Variants in BCKDHB observed in about 807,000 individuals in gnomAD.
The protein encoded by BCKDHB is 2-oxoisovalerate dehydrogenase subunit beta, mitochondrial.
In BCKDHB, 41 loss-of-function variants were observed where a neutral mutation model predicts 48.5. The ratio of observed to expected loss-of-function variants is 0.85; its 90% CI spans 0.66 to 1.10. The LOEUF is 1.10. BCKDHB is among the 50% of genes least tolerant of loss of function. The pLI, the probability that BCKDHB is intolerant of heterozygous loss-of-function variation, is 0.00. For missense variants in BCKDHB, 496 were observed against 494.2 expected, an observed-to-expected ratio of 1.00 and a Z score of -0.03; for synonymous variants, 201 against 174.8, an observed-to-expected ratio of 1.15 and a Z score of -1.18.
At chr6:80,173,665 T>C (rs1290608854) in intron 6 of BCKDHB, among the ~76,000 whole-genome samples, 1 of 152,186 alleles carries the variant, frequency 6.6e-6, no homozygotes, top group Non-Finnish European at 1.5e-5. Context: ...TCTGAAACAA[T>C]AGCTGATGTT....
chr6:80,207,613 C>T (rs2127834757), intron 8 of BCKDHB, among the ~76,000 whole-genome samples: 1 of 151,694 alleles, frequency 6.6e-6, no homozygotes, highest in Middle Eastern at 3.4e-3. Context: ...CAACTACCAC[C>T]ACCATGTGTA....
At chr6:80,354,420 G>A in the BCKDHB span, among the ~76,000 whole-genome samples, 1 of 152,044 alleles carries the variant, frequency 6.6e-6, no homozygotes. Flanking sequence ...GTAGAGACGG[G>A]GTTTCACTGT....
intron 9 of BCKDHB, among the ~76,000 whole-genome samples, chr6:80,336,928 C>T (rs1769621513): frequency 6.6e-6 from 1 of 151,948 alleles, no homozygotes; most frequent in Non-Finnish European, 1.5e-5. Context: ...GATCCATGCT[C>T]TTGAAAAATT....
In BCKDHB at chr6:80,106,729, C is replaced by T. The variant is rs1464497822; in HGVS notation, c.36C>T (p.Leu12=). The stretch of plus-strand genomic sequence containing the variant: ...TAGCGGCGGCTGCCGGCTGGCTACT[C>T]AGGCTCAGGGCGGCAGGGGCTGAGG... ...AVVAAAAGWL[L]RLRAAGAEGH... is the part of the protein sequence containing the mutation. Residue 12 remains leucine, a synonymous_variant, in exon 1 of 10, where the codon CTC becomes CTT. Transcript: ENST00000320393. 7.7e-6 allele frequency: 12 copies of T among 1,557,956 alleles called. No individual in the cohort carries two copies. The highest frequency in any genetic ancestry group is 3.8e-5 in the Admixed American group (2 of 52,036).
chr6:80,227,348 G>T (rs1188672649), intron 8 of BCKDHB, among the ~76,000 whole-genome samples: 1 of 152,118 alleles, frequency 6.6e-6, no homozygotes, highest in East Asian at 1.9e-4. Flanking sequence ...ACTCCCTTTA[G>T]GGAGTCCAGT....
chr6:80,376,853 G>C, the BCKDHB span, among the ~76,000 whole-genome samples: 1 of 152,062 alleles, frequency 6.6e-6, no homozygotes. Context: ...AGGAATATGA[G>C]AAATATATAT....
intron 1 of BCKDHB, among the ~76,000 whole-genome samples, chr6:80,124,623 C>A (rs1194375429): frequency 6.6e-6 from 1 of 152,062 alleles, no homozygotes; most frequent in Non-Finnish European, 1.5e-5. Flanking sequence ...TGAATTGATC[C>A]CTTTACCATT....
intron 9 of BCKDHB, among the ~76,000 whole-genome samples, chr6:80,333,075 C>G (rs1232075802): frequency 1.3e-5 from 2 of 152,156 alleles, no homozygotes; most frequent in Non-Finnish European, 2.9e-5. Flanking sequence ...CCTTATTGGA[C>G]TTGACATAAA....
At chr6:80,117,007 A>T (rs1425617449) in intron 1 of BCKDHB, among the ~76,000 whole-genome samples, 5 of 152,080 alleles carry the variant, frequency 3.3e-5, no homozygotes, top group Non-Finnish European at 5.9e-5. Flanking sequence ...AATATATATT[A>T]AAAAAAATTA....
At chr6:80,314,225 T>C (rs1200572951) in intron 9 of BCKDHB, among the ~76,000 whole-genome samples, 1 of 152,238 alleles carries the variant, frequency 6.6e-6, no homozygotes, top group African/African-American at 2.4e-5. Flanking sequence ...AGAATGTATA[T>C]GCTCTTCTAT....
At chr6:80,273,657 T>A (rs1777847724) in intron 9 of BCKDHB, among the ~76,000 whole-genome samples, 1 of 152,066 alleles carries the variant, frequency 6.6e-6, no homozygotes, top group African/African-American at 2.4e-5. Flanking sequence ...TAAAAATGAA[T>A]CTCTCAAAAG....
intron 9 of BCKDHB, among the ~76,000 whole-genome samples, chr6:80,335,778 C>T (rs1193514289): frequency 6.6e-6 from 1 of 152,032 alleles, no homozygotes; most frequent in Non-Finnish European, 1.5e-5. Flanking sequence ...GGTGAGGAAA[C>T]TTTGATAGTT....
At chr6:80,421,792 C>T in the BCKDHB span, among the ~76,000 whole-genome samples, 4 of 152,152 alleles carry the variant, frequency 2.6e-5, no homozygotes, top group Non-Finnish European at 5.9e-5. Flanking sequence ...AAGAAGTGAC[C>T]TGGCTGATTC....
At chr6:80,341,048 T>A (rs1369766809) in intron 9 of BCKDHB, among the ~76,000 whole-genome samples, 1 of 152,214 alleles carries the variant, frequency 6.6e-6, no homozygotes, top group Non-Finnish European at 1.5e-5. Context: ...AATATACTTT[T>A]GTTGGTGAAG....
Position 80,250,429 on chromosome 6 carries a change from G to A in BCKDHB, c.952-22706G>A, listed in dbSNP as rs1383277424. Among the ~76,000 whole-genome samples the A allele has an allele frequency of 4.6e-5, 7 of 152,108 alleles. 1 individual carries two copies. The highest frequency in any genetic ancestry group is 2.0e-4 in the Admixed American group (3 of 15,234). ...CTTTTGCAACATGTATTCAGTCCAC[G>A]CTCAGAGGCCAATTCCTACCTTCCC... On this transcript the variant is annotated intron_variant, in intron 8 of 9. Coordinates refer to ENST00000320393, the MANE Select transcript of BCKDHB (RefSeq NM_183050.4).
intron 5 of BCKDHB, chr6:80,169,919 T>C: frequency 6.5e-7 from 1 of 1,536,636 alleles, no homozygotes; most frequent in South Asian, 1.3e-5. Flanking sequence ...GTTATTTTTG[T>C]GCTTGAGCTA....
intron 8 of BCKDHB, among the ~76,000 whole-genome samples, chr6:80,209,013 T>A (rs971914674): frequency 4.0e-5 from 6 of 151,850 alleles, no homozygotes; most frequent in Admixed American, 2.0e-4. Context: ...TCATAAATAT[T>A]CACAAAGCAG....
intron 8 of BCKDHB, among the ~76,000 whole-genome samples, chr6:80,207,002 AATTAAG>A (rs1774696994): frequency 6.6e-6 from 1 of 152,056 alleles, no homozygotes. Context: ...ATCTTTTAAA[AATTAAG>A]ATGAAATAAA....
the BCKDHB span, among the ~76,000 whole-genome samples, chr6:80,416,005 T>G: frequency 2.0e-5 from 3 of 151,838 alleles, no homozygotes; most frequent in African/African-American, 7.3e-5. Context: ...TTTGGGAGGG[T>G]GTATTTCTTC....
Sources: allele counts gnomAD v4.1 joint callset (sites outside exome capture counted in the v4.1 genomes callset), GRCh38; gene constraint gnomAD v4.1.1; transcripts MANE v1.5; gene names NCBI Gene and HGNC (gene_info 2026-07-23, HGNC 2026-07-21).